Variants in SMG6 observed in about 807,000 individuals in gnomAD.
SMG6 encodes the protein telomerase-binding protein EST1A.
In SMG6, 66 loss-of-function variants were observed where a neutral mutation model predicts 142.2. The ratio of observed to expected loss-of-function variants is 0.46; its 90% CI spans 0.38 to 0.57. SMG6 has a LOEUF of 0.57. Among genes scored for constraint, SMG6 ranks in the 20% least tolerant of loss-of-function variants. SMG6 has a pLI of 0.00. For missense variants in SMG6, 1,793 were observed against 1,832.0 expected (o/e 0.98, Z 0.39); for synonymous variants, 779 against 702.4 (o/e 1.11, Z -1.72).
intron 13 of SMG6, among the ~76,000 whole-genome samples, chr17:2,091,261 T>G (rs777626150): frequency 1.3e-5 from 2 of 152,080 alleles, no homozygotes; most frequent in Non-Finnish European, 2.9e-5. Flanking sequence ...GAGGAAATGG[T>G]TTATTCACAT....
rs1166137415 is a variant in SMG6, at chr17:2,067,412, CTT to C, written c.3835+1364_3835+1365del. 8.5e-5 allele frequency among the ~76,000 whole-genome samples: 13 copies of C among 152,304 alleles called. No homozygotes were observed. The East Asian group carries it at 2.5e-3, about 29-fold the overall frequency. On this transcript the variant is annotated intron_variant, in intron 16 of 18. Transcript: ENST00000263073. ...GGGGCTCCTGAGATGTCCACAGCCT[CTT>C]TCAGTTGTACCCTTTCCTGACCATC...
intron 9 of SMG6, among the ~76,000 whole-genome samples, chr17:2,244,234 A>G (rs2073878314): frequency 6.6e-6 from 1 of 152,226 alleles, no homozygotes; most frequent in Non-Finnish European, 1.5e-5. Context: ...GGATATAGAA[A>G]GAAAATGTTA....
At chr17:2,136,088 A>G (rs1382877528) in intron 13 of SMG6, among the ~76,000 whole-genome samples, 2 of 140,940 alleles carry the variant, frequency 1.4e-5, no homozygotes, top group Admixed American at 7.1e-5. Context: ...TTTGAGACAG[A>G]GTCTCGCTCT....
At chr17:2,119,309 G>A (rs1045736562) in intron 13 of SMG6, among the ~76,000 whole-genome samples, 6 of 151,802 alleles carry the variant, frequency 4.0e-5, no homozygotes, top group East Asian at 1.9e-4. Context: ...TGCCCGCCTC[G>A]GCCTCCCAAA....
intron 8 of SMG6, among the ~76,000 whole-genome samples, chr17:2,274,438 T>C (rs9905529): frequency 0.43 from 64,988 of 151,866 alleles, 15,197 homozygotes; most frequent in African/African-American, 0.63. Flanking sequence ...AAAAAGACAT[T>C]ATGCAAATAA....
At chr17:2,120,090 G>A (rs1410832820) in intron 13 of SMG6, among the ~76,000 whole-genome samples, 1 of 152,224 alleles carries the variant, frequency 6.6e-6, no homozygotes. Flanking sequence ...TTCCACGCGT[G>A]AGCCACCGCG....
rs533295674 is a variant in SMG6 at position 2,290,241 on chromosome 17, C to T, written c.2337+2311G>A. 2.6e-5 allele frequency among the ~76,000 whole-genome samples: 4 copies of T among 152,192 alleles called. No individual in the cohort carries two copies. The South Asian group carries it at 8.3e-4, about 32-fold the overall frequency. ...CAAGACATAAATAAAGTTACAGGAACCAAGACAGTGTGGTACTGACCAAAG... is the reference window on the plus strand; with the variant it reads ...CAAGACATAAATAAAGTTACAGGAATCAAGACAGTGTGGTACTGACCAAAG... On this transcript the variant is annotated intron_variant, in intron 6 of 18. Transcript: ENST00000263073.
chr17:2,112,725 C>A (rs1042511954), intron 13 of SMG6, among the ~76,000 whole-genome samples: 1 of 144,540 alleles, frequency 6.9e-6, no homozygotes, highest in Non-Finnish European at 1.5e-5. Flanking sequence ...AAACAGCAAA[C>A]AATAAAAGCC....
chr17:2,280,670 C>A, intron 8 of SMG6: 3 of 776,136 alleles, frequency 3.9e-6, no homozygotes, highest in Non-Finnish European at 4.7e-6. Flanking sequence ...GGATGATGTA[C>A]AAACTAAAAA....
intron 13 of SMG6, among the ~76,000 whole-genome samples, chr17:2,165,295 A>C (rs1040989943): frequency 4.0e-5 from 6 of 150,374 alleles, no homozygotes; most frequent in African/African-American, 9.8e-5. Context: ...AAAAAAAAAA[A>C]CTGAAAACTA....
intron 13 of SMG6, among the ~76,000 whole-genome samples, chr17:2,119,058 ATTT>A (rs540988591): frequency 3.1e-5 from 4 of 130,442 alleles, no homozygotes; most frequent in Non-Finnish European, 3.3e-5. Context: ...CACCTGGCTA[ATTT>A]TTTTTTTTTT....
intron 10 of SMG6, among the ~76,000 whole-genome samples, chr17:2,218,723 C>T (rs1466331876): frequency 2.6e-5 from 4 of 152,096 alleles, no homozygotes; most frequent in Non-Finnish European, 5.9e-5. Context: ...ACAATGTAGT[C>T]CATGATGACT....
rs140150725 is a variant in SMG6, at chr17:2,181,064, T to C, written c.3155+5599A>G. ...TACAGTTTTGGCATCTACAGAACCA[T>C]TGGGGTGTGTTATTCTCTATGACCT... is the stretch of plus-strand genomic sequence containing the variant. On this transcript the variant is annotated intron_variant, in intron 12 of 18. Transcript: ENST00000263073. Among the ~76,000 whole-genome samples, 56 of 152,288 alleles carry C rather than the reference T, an allele frequency of 3.7e-4. No homozygotes were observed. The East Asian group carries it at 7.9e-3, about 22-fold the overall frequency.
intron 15 of SMG6, among the ~76,000 whole-genome samples, chr17:2,073,730 G>C (rs1389994867): frequency 9.9e-6 from 1 of 101,344 alleles, no homozygotes; most frequent in Non-Finnish European, 2.1e-5. Context: ...AAAAAAAAAA[G>C]AGACAGAGTC....
chr17:2,277,260 G>A (rs1484930558), intron 8 of SMG6, among the ~76,000 whole-genome samples: 2 of 149,346 alleles, frequency 1.3e-5, no homozygotes, highest in South Asian at 2.1e-4. Context: ...TCCGCCTCCC[G>A]GGTTCACGCC....
intron 4 of SMG6, among the ~76,000 whole-genome samples, chr17:2,297,023 A>AG (rs1445778502): frequency 2.0e-5 from 3 of 151,802 alleles, no homozygotes; most frequent in African/African-American, 4.8e-5. Flanking sequence ...AAAAAAAAAA[A>AG]AAAGAAAGAA....
chr17:2,206,045 C>G (rs2072670654), intron 10 of SMG6, among the ~76,000 whole-genome samples: 1 of 152,068 alleles, frequency 6.6e-6, no homozygotes, highest in Non-Finnish European at 1.5e-5. Context: ...CTGACCTCAA[C>G]TGATCCACCC....
chr17:2,220,828 T>C (rs1033500220), intron 10 of SMG6, among the ~76,000 whole-genome samples: 4 of 152,216 alleles, frequency 2.6e-5, no homozygotes, highest in African/African-American at 9.6e-5. Context: ...TAAAAACTCC[T>C]TGAATATTTA....
At chr17:2,169,838 A>T (rs2071449284) in intron 13 of SMG6, among the ~76,000 whole-genome samples, 1 of 152,184 alleles carries the variant, frequency 6.6e-6, no homozygotes, top group Admixed American at 6.5e-5. Flanking sequence ...ATATTTTAAA[A>T]ATAGACTGAA....
Sources: allele counts gnomAD v4.1 joint callset (sites outside exome capture counted in the v4.1 genomes callset), GRCh38; gene constraint gnomAD v4.1.1; transcripts MANE v1.5; gene names NCBI Gene and HGNC (gene_info 2026-07-23, HGNC 2026-07-21).